CTNNA3: variants seen among roughly 807,000 people sequenced by gnomAD.
CTNNA3 encodes catenin alpha 3, also known as catenin alpha-3.
Under a neutral mutation model 95.7 loss-of-function variants are expected in CTNNA3, and 76 were observed. That is an observed-to-expected ratio of 0.79 (90% CI 0.66 to 0.96). The LOEUF is 0.96. CTNNA3 is among the 40% of genes least tolerant of loss of function. CTNNA3 has a pLI of 0.00. For missense variants in CTNNA3, 1,191 were observed against 1,089.8 expected (o/e 1.09, Z -1.31); for synonymous variants, 431 against 374.4 (o/e 1.15, Z -1.74).
At chr10:67,748,551 G>A (rs1304700057) in intron 1 of CTNNA3, among the ~76,000 whole-genome samples, 3 of 152,116 alleles carry the variant, frequency 2.0e-5, no homozygotes, top group East Asian at 3.9e-4. Flanking sequence ...ACAAGCAAAC[G>A]TTGAGGGAAT....
intron 1 of CTNNA3, chr10:67,648,749 C>T: frequency 7.8e-7 from 1 of 1,289,712 alleles, no homozygotes; most frequent in South Asian, 1.2e-5. Context: ...CCTTGTTTCT[C>T]TCTCCTTTGC....
At chr10:66,658,958 G>A (rs1405042738) in intron 9 of CTNNA3, among the ~76,000 whole-genome samples, 1 of 151,888 alleles carries the variant, frequency 6.6e-6, no homozygotes, top group African/African-American at 2.4e-5. Context: ...CAAAATGTTG[G>A]GATTACAGGT....
chr10:67,538,511 G>A (rs1370515888), intron 4 of CTNNA3, among the ~76,000 whole-genome samples: 1 of 149,704 alleles, frequency 6.7e-6, no homozygotes, highest in African/African-American at 2.5e-5. Flanking sequence ...GAACCCAGAA[G>A]GCAGAGATTG....
intron 7 of CTNNA3, among the ~76,000 whole-genome samples, chr10:66,870,454 A>G (rs1220747376): frequency 6.6e-6 from 1 of 152,224 alleles, no homozygotes; most frequent in East Asian, 1.9e-4. Flanking sequence ...CTATGAGAAA[A>G]ACAAATAAAG....
chr10:66,996,782 A>G (rs1851377669), intron 7 of CTNNA3, among the ~76,000 whole-genome samples: 2 of 151,782 alleles, frequency 1.3e-5, no homozygotes, highest in Admixed American at 1.3e-4. Flanking sequence ...GTGCAAAAAT[A>G]TTATCTAAAG....
intron 7 of CTNNA3, among the ~76,000 whole-genome samples, chr10:66,856,691 G>C (rs1843696633): frequency 6.6e-6 from 1 of 151,928 alleles, no homozygotes; most frequent in Non-Finnish European, 1.5e-5. Context: ...ATGCTTGTTG[G>C]CTGCATGTAT....
At chr10:67,222,108 T>A (rs1332280835) in intron 5 of CTNNA3, among the ~76,000 whole-genome samples, 1 of 152,196 alleles carries the variant, frequency 6.6e-6, no homozygotes, top group East Asian at 1.9e-4. Flanking sequence ...TAATGTTGCA[T>A]GAGGTTAATA....
At chr10:67,335,039 C>T (rs1311615197) in intron 5 of CTNNA3, among the ~76,000 whole-genome samples, 5 of 152,028 alleles carry the variant, frequency 3.3e-5, no homozygotes, top group Non-Finnish European at 7.4e-5. Flanking sequence ...CACACACACA[C>T]ATATACACAC....
chr10:67,559,942 G>T (rs976496337), intron 3 of CTNNA3, among the ~76,000 whole-genome samples: 1 of 152,140 alleles, frequency 6.6e-6, no homozygotes, highest in African/African-American at 2.4e-5. Context: ...AGAGAAAAAA[G>T]AATGAAAAGA....
intron 10 of CTNNA3, among the ~76,000 whole-genome samples, chr10:66,579,404 C>A (rs10437371): frequency 1.3e-5 from 2 of 151,648 alleles, no homozygotes; most frequent in African/African-American, 4.8e-5. Context: ...TGCAAACTGA[C>A]GTGTGACTTT....
At chr10:67,545,693 T>C (rs1395467791) in intron 3 of CTNNA3, among the ~76,000 whole-genome samples, 2 of 152,158 alleles carry the variant, frequency 1.3e-5, no homozygotes, top group African/African-American at 4.8e-5. Flanking sequence ...TTTTCTTCCA[T>C]GAAGACACCA....
At chr10:67,095,549 C>A (rs913312526) in intron 7 of CTNNA3, among the ~76,000 whole-genome samples, 5 of 151,644 alleles carry the variant, frequency 3.3e-5, no homozygotes, top group African/African-American at 1.2e-4. Flanking sequence ...TTAAATCAAG[C>A]AGGAAATTGT....
At chr10:67,455,541 T>G (rs759378832) in intron 5 of CTNNA3, among the ~76,000 whole-genome samples, 2 of 152,254 alleles carry the variant, frequency 1.3e-5, no homozygotes, top group Non-Finnish European at 2.9e-5. Flanking sequence ...TGGCAAACAC[T>G]ACATTGGTCA....
At chr10:66,028,949 G>A (rs1474428996) in intron 15 of CTNNA3, among the ~76,000 whole-genome samples, 1 of 151,926 alleles carries the variant, frequency 6.6e-6, no homozygotes, top group Non-Finnish European at 1.5e-5. Context: ...GAAACTAAAA[G>A]GTACTTTCAG....
At chr10:67,278,981 T>C (rs964094758) in intron 5 of CTNNA3, among the ~76,000 whole-genome samples, 1 of 152,126 alleles carries the variant, frequency 6.6e-6, no homozygotes, top group Non-Finnish European at 1.5e-5. Flanking sequence ...ACCTCCAAAA[T>C]AACATTCAGC....
intron 1 of CTNNA3, among the ~76,000 whole-genome samples, chr10:67,692,893 C>T (rs1258467261): frequency 6.6e-6 from 1 of 152,154 alleles, no homozygotes; most frequent in Non-Finnish European, 1.5e-5. Context: ...TAGGGGCCTC[C>T]ATTGTTCAAG....
At chr10:67,001,983 TGG>T in intron 7 of CTNNA3, among the ~76,000 whole-genome samples, 1 of 152,250 alleles carries the variant, frequency 6.6e-6, no homozygotes, top group African/African-American at 2.4e-5. Context: ...AGTGCAGAAA[TGG>T]GTATGAGTCT....
intron 11 of CTNNA3, among the ~76,000 whole-genome samples, chr10:66,448,499 A>T (rs962648009): frequency 6.6e-6 from 1 of 152,148 alleles, no homozygotes; most frequent in Non-Finnish European, 1.5e-5. Flanking sequence ...ATGTAGCCAT[A>T]AAAAATGATG....
At chr10:66,764,617 A>C (rs1839766040) in intron 9 of CTNNA3, among the ~76,000 whole-genome samples, 1 of 152,168 alleles carries the variant, frequency 6.6e-6, no homozygotes, top group African/African-American at 2.4e-5. Flanking sequence ...ATTTCATAAA[A>C]AGAAGTTGTT....
Sources: gnomAD v4.1 joint callset for allele counts (sites outside exome capture counted in the v4.1 genomes callset) on GRCh38, gnomAD v4.1.1 for gene constraint, MANE v1.5 for transcripts, NCBI Gene and HGNC (gene_info 2026-07-23, HGNC 2026-07-21) for gene names.